TRPM3: variants seen among roughly 807,000 people sequenced by gnomAD.
The protein encoded by TRPM3 is long transient receptor potential channel 3.
In TRPM3, 77 loss-of-function variants were observed where a neutral mutation model predicts 181.2. The observed-to-expected ratio is 0.42, with a 90% CI of 0.35 to 0.51. The LOEUF (loss-of-function observed/expected upper bound fraction) is 0.51. Ranked by LOEUF, TRPM3 falls within the 20% of genes least tolerant of loss-of-function variation. TRPM3 has a pLI of 0.01. For missense variants in TRPM3, 1,759 were observed against 2,196.7 expected (o/e 0.80, Z 3.98); for synonymous variants, 745 against 796.4 (o/e 0.94, Z 1.09).
At chr9:70,787,991 C>G (rs2084282036) in intron 6 of TRPM3, among the ~76,000 whole-genome samples, 1 of 145,244 alleles carries the variant, frequency 6.9e-6, no homozygotes, top group Non-Finnish European at 1.5e-5. Context: ...AGCTACTACT[C>G]TCTCACTATC....
chr9:71,421,700 T>A (rs1429152811), intron 1 of TRPM3, among the ~76,000 whole-genome samples: 1 of 152,062 alleles, frequency 6.6e-6, no homozygotes, highest in Non-Finnish European at 1.5e-5. Flanking sequence ...ACCTAGGCCA[T>A]AAGGTACAGC....
intron 1 of TRPM3, among the ~76,000 whole-genome samples, chr9:71,206,739 A>C (rs1301808124): frequency 1.3e-5 from 2 of 152,068 alleles, no homozygotes; most frequent in Non-Finnish European, 1.5e-5. Context: ...GAAGCCTTTA[A>C]TCCATCCTGA....
upstream of TRPM3, among the ~76,000 whole-genome samples, chr9:71,122,255 G>A (rs746304093): frequency 1.7e-4 from 26 of 152,230 alleles, no homozygotes; most frequent in South Asian, 4.1e-4. Context: ...ATTTTCTAAG[G>A]AGGCTGTATG....
chr9:70,545,507 C>T (rs1588143185), intron 25 of TRPM3, among the ~76,000 whole-genome samples: 1 of 147,496 alleles, frequency 6.8e-6, no homozygotes, highest in African/African-American at 2.5e-5. Flanking sequence ...TTCACATATG[C>T]AAAATATTAT....
intron 9 of TRPM3, among the ~76,000 whole-genome samples, chr9:70,680,836 C>A (rs887163750): frequency 2.0e-5 from 3 of 152,176 alleles, no homozygotes; most frequent in African/African-American, 7.2e-5. Flanking sequence ...TGGATTTAAT[C>A]CACAGAACCT....
intron 1 of TRPM3, among the ~76,000 whole-genome samples, chr9:71,268,461 A>T (rs1481472911): frequency 6.6e-6 from 1 of 152,194 alleles, no homozygotes; most frequent in Non-Finnish European, 1.5e-5. Context: ...AAATTAAACA[A>T]CTATAGTACT....
intron 7 of TRPM3, among the ~76,000 whole-genome samples, chr9:70,777,037 T>C (rs1404788731): frequency 1.3e-5 from 2 of 152,116 alleles, no homozygotes; most frequent in Non-Finnish European, 2.9e-5. Flanking sequence ...ATTTTTGTTG[T>C]TGTTGTTGTT....
At position 71,116,741 on chromosome 9, in the gene TRPM3, A is replaced by C. The variant is rs370512774; in HGVS notation, c.177+4437T>G. ...TTGGGCTTTTGACTAGATTCCCCCC[A>C]AAAAAAAAATTAAAAAGGGAATTTA... On this transcript the variant is annotated intron_variant, in intron 1 of 25. Transcript: ENST00000677713. Among the ~76,000 whole-genome samples the C allele has an allele frequency of 1.7e-3, 261 of 149,208 alleles. 1 individual carries two copies. Among genetic ancestry groups the C allele is most frequent in the African/African-American group, 5.7e-3 (233 of 40,896 alleles).
intron 1 of TRPM3, among the ~76,000 whole-genome samples, chr9:70,941,944 A>G (rs1757131987): frequency 6.6e-6 from 1 of 152,216 alleles, no homozygotes; most frequent in Admixed American, 6.5e-5. Context: ...ATTTGTTTCA[A>G]AAAGAATCAG....
intron 1 of TRPM3, among the ~76,000 whole-genome samples, chr9:71,269,968 A>G (rs2083667717): frequency 6.6e-6 from 1 of 152,174 alleles, no homozygotes; most frequent in South Asian, 2.1e-4. Flanking sequence ...TCAAGAGTAG[A>G]AGTCAACAGT....
chr9:71,151,807 T>C (rs2075748358), intron 1 of TRPM3, among the ~76,000 whole-genome samples: 1 of 152,108 alleles, frequency 6.6e-6, no homozygotes, highest in Admixed American at 6.6e-5. Flanking sequence ...TGTGCTAATA[T>C]GGAATGAGCT....
intron 22 of TRPM3, among the ~76,000 whole-genome samples, chr9:70,556,359 C>G: frequency 6.6e-6 from 1 of 151,988 alleles, no homozygotes; most frequent in East Asian, 1.9e-4. Context: ...CAGCCTCCCC[C>G]ACCTTTTACT....
chr9:71,353,823 G>A (rs1475397618), intron 1 of TRPM3, among the ~76,000 whole-genome samples: 1 of 152,126 alleles, frequency 6.6e-6, no homozygotes, highest in Non-Finnish European at 1.5e-5. Context: ...ACATATATTG[G>A]TGAACAGAAA....
intron 1 of TRPM3, among the ~76,000 whole-genome samples, chr9:71,337,688 C>T (rs960890756): frequency 1.3e-5 from 2 of 152,134 alleles, no homozygotes; most frequent in Non-Finnish European, 2.9e-5. Flanking sequence ...AACCCAAATT[C>T]CCATCAATGG....
chr9:71,087,045 C>T (rs1057046514), intron 1 of TRPM3, among the ~76,000 whole-genome samples: 15 of 152,116 alleles, frequency 9.9e-5, no homozygotes, highest in African/African-American at 3.6e-4. Flanking sequence ...GTCTCTGATT[C>T]TTGAAAATTT....
chr9:70,571,110 A>G (rs1427439785), intron 22 of TRPM3, among the ~76,000 whole-genome samples: 1 of 152,114 alleles, frequency 6.6e-6, no homozygotes, highest in African/African-American at 2.4e-5. Flanking sequence ...TCCTTTCTAG[A>G]CTAATGACCT....
chr9:70,565,689 C>G (rs1033431734), intron 22 of TRPM3, among the ~76,000 whole-genome samples: 1 of 152,200 alleles, frequency 6.6e-6, no homozygotes, highest in South Asian at 2.1e-4. Flanking sequence ...AGGCAAGGCA[C>G]TTTGCTGTTC....
chr9:71,368,341 AT>A (rs2092406588), intron 1 of TRPM3, among the ~76,000 whole-genome samples: 1 of 152,178 alleles, frequency 6.6e-6, no homozygotes, highest in Admixed American at 6.5e-5. Context: ...TGATTGGAAA[AT>A]TCTCAGGCAG....
At chr9:71,228,508 C>A (rs1315167714) in intron 1 of TRPM3, among the ~76,000 whole-genome samples, 1 of 151,994 alleles carries the variant, frequency 6.6e-6, no homozygotes, top group Admixed American at 6.6e-5. Flanking sequence ...TAAAGGGTAT[C>A]CAAATTGGAA....
Sources: gnomAD v4.1 joint callset for allele counts (sites outside exome capture counted in the v4.1 genomes callset) on GRCh38, gnomAD v4.1.1 for gene constraint, MANE v1.5 for transcripts, NCBI Gene and HGNC (gene_info 2026-07-23, HGNC 2026-07-21) for gene names.